TRAK2: variants seen among roughly 807,000 people sequenced by gnomAD.
TRAK2 encodes trafficking kinesin-binding protein 2.
In TRAK2, 81 loss-of-function variants were observed where a neutral mutation model predicts 104.6. The ratio of observed to expected loss-of-function variants is 0.77; its 90% CI spans 0.65 to 0.93. The LOEUF (loss-of-function observed/expected upper bound fraction) is 0.93, where lower values mean the gene tolerates loss of function less well. Among genes scored for constraint, TRAK2 ranks in the 40% least tolerant of loss-of-function variants. TRAK2 has a pLI of 0.00. For missense variants in TRAK2, 1,002 were observed against 1,089.0 expected (o/e 0.92, Z 1.12); for synonymous variants, 406 against 394.4 (o/e 1.03, Z -0.35).
Position 201,380,872 on chromosome 2 carries a change from G to C in TRAK2, c.2416C>G (p.Arg806Gly). 1 of 1,614,030 alleles carries C rather than the reference G, an allele frequency of 6.2e-7. No homozygotes were observed. The highest frequency in any genetic ancestry group is 8.5e-7 in the Non-Finnish European group (1 of 1,179,968). The part of the protein sequence containing the change: ...VHLSENFLAS[R>G]PAETFLQEMY... ...TCCTGGAGGAATGTCTCAGCTGGTC[G>C]AGAGGCCAAAAAATTTTCAGAGAGA... The change falls in exon 16 of 16, where the codon CGA (arginine) becomes GGA (glycine). Residue 806 changes from arginine (R) to glycine (G), a missense_variant. Coordinates refer to ENST00000332624, the MANE Select transcript of TRAK2 (RefSeq NM_015049.3).
chr2:201,431,784 C>A (rs1367163911), intron 1 of TRAK2, among the ~76,000 whole-genome samples: 1 of 152,202 alleles, frequency 6.6e-6, no homozygotes, highest in African/African-American at 2.4e-5. Flanking sequence ...GATTCTGGAA[C>A]TAGAGTGCCT....
chr2:201,395,509 C>A, intron 7 of TRAK2, 65 bp from the exon 8 acceptor site: 1 of 1,426,960 alleles, frequency 7.0e-7, no homozygotes. Flanking sequence ...CAAACTATGA[C>A]TTGTGAGCTA....
intron 2 of TRAK2, chr2:201,413,199 T>A (rs947922955): frequency 6.6e-6 from 10 of 1,508,572 alleles, no homozygotes; most frequent in African/African-American, 1.4e-5. Flanking sequence ...ACTGGCAATG[T>A]GCTGACCAAC....
intron 3 of TRAK2, 23 bp downstream of exon 3, chr2:201,407,380 A>G (rs1951603417): frequency 6.3e-7 from 1 of 1,596,888 alleles, no homozygotes; most frequent in Non-Finnish European, 8.5e-7. Context: ...TGCACAAACT[A>G]AAAGAGTAAA....
chr2:201,392,797 G>GA (rs1201867394), intron 10 of TRAK2, 112 bp downstream of exon 10: 16 of 1,101,452 alleles, frequency 1.5e-5, no homozygotes, highest in East Asian at 5.2e-5. Context: ...CAGAAACAAG[G>GA]AAAAAATCTC....
chr2:201,399,632 T>G, intron 4 of TRAK2, 139 bp from the exon 5 acceptor site: 1 of 620,334 alleles, frequency 1.6e-6, no homozygotes, highest in Non-Finnish European at 2.9e-6. Context: ...TTAAAATGAA[T>G]AAACACAGGG....
chr2:201,408,033 A>G (rs1188153728), intron 2 of TRAK2, among the ~76,000 whole-genome samples: 2 of 152,170 alleles, frequency 1.3e-5, no homozygotes, highest in Non-Finnish European at 1.5e-5. Flanking sequence ...AAAATATACA[A>G]CAAATTATTG....
At chr2:201,398,024 A>G in intron 6 of TRAK2, 121 bp downstream of exon 6, 1 of 926,834 alleles carries the variant, frequency 1.1e-6, no homozygotes, top group Non-Finnish European at 1.7e-6. Flanking sequence ...CTTGTCCACG[A>G]CTCTCTAATT....
intron 1 of TRAK2, among the ~76,000 whole-genome samples, chr2:201,429,282 G>A (rs1225276165): frequency 6.6e-6 from 1 of 152,090 alleles, no homozygotes; most frequent in Admixed American, 6.5e-5. Flanking sequence ...TTTCTCTCTG[G>A]CTGCCCTTAA....
At chr2:201,411,909 T>C in intron 2 of TRAK2, 1 of 1,038,100 alleles carries the variant, frequency 9.6e-7, no homozygotes, top group Non-Finnish European at 1.5e-6. Flanking sequence ...AAGGTTGGAA[T>C]GATGTTTAGA....
intron 2 of TRAK2, among the ~76,000 whole-genome samples, chr2:201,414,715 T>C (rs1231037628): frequency 2.6e-5 from 4 of 152,130 alleles, no homozygotes; most frequent in East Asian, 1.9e-4. Flanking sequence ...ACAAGTTCCA[T>C]GTGATTATCC....
Position 201,389,437 on chromosome 2 carries a change from T to A in TRAK2, c.1260A>T (p.Ser420=). 1 of 1,613,194 alleles carries A rather than the reference T, an allele frequency of 6.2e-7. No individual in the cohort carries two copies. Among genetic ancestry groups the A allele is most frequent in the Non-Finnish European group, 8.5e-7 (1 of 1,179,214 alleles). The change falls in exon 12 of 16, where the codon TCA becomes TCT. Residue 420 remains serine, a synonymous_variant. Transcript: ENST00000332624. ...IANDTRGRSI[S]FPALLPIPGS... is the part of the protein sequence containing the mutation. ...CTGGAATGGGTAACAGAGCTGGGAA[T>A]GAGATAGAGCGGCCCCGTGTGTCAT...
rs142826543 is a variant in TRAK2, at chr2:201,423,037, C to CCACACACACACA, written c.-199-2343_-199-2332dup. On this transcript the variant is annotated intron_variant, in intron 1 of 15. Transcript: ENST00000332624. ...TGGAATAACAACAGCAACACCACCA[C>CCACACACACACA]CACACACACACACACACACACACAC... Among the ~76,000 whole-genome samples, 428 of 134,218 alleles carry CCACACACACACA rather than the reference C, an allele frequency of 3.2e-3. 7 individuals are homozygous for CCACACACACACA. The highest frequency in any genetic ancestry group is 7.0e-3 in the Admixed American group (96 of 13,638). The allele number at this position is 134,218 out of a possible 152,430, so 88.1% of individuals were successfully genotyped here. A position where few individuals can be genotyped will look rare whatever the true frequency, so the allele number is the denominator to read the frequency against.
chr2:201,443,752 C>T (rs1220839840), intron 1 of TRAK2, among the ~76,000 whole-genome samples: 1 of 152,184 alleles, frequency 6.6e-6, no homozygotes, highest in African/African-American at 2.4e-5. Context: ...TCCATCCTCT[C>T]TTCCACCATC....
intron 1 of TRAK2, among the ~76,000 whole-genome samples, chr2:201,450,979 T>A (rs1952027905): frequency 6.6e-6 from 1 of 152,128 alleles, no homozygotes; most frequent in Non-Finnish European, 1.5e-5. Flanking sequence ...TCCTCCCACT[T>A]ACATCACAGA....
Position 201,377,672 on chromosome 2 carries a change from T to C in TRAK2, c.*2871A>G, listed in dbSNP as rs1951301065. On this transcript the variant is annotated 3_prime_UTR_variant, in exon 16 of 16. Transcript: ENST00000332624. ...ATTCATTTATGTCAAATCAAGAACA[T>C]ACAGCACAACATTTTCTAAAAAAGC... The C allele has an allele frequency of 6.6e-6, 1 of 152,572 alleles. No homozygotes were observed. Among genetic ancestry groups the C allele is most frequent in the African/African-American group, 2.4e-5 (1 of 41,446 alleles). 9.5% of individuals were successfully genotyped at this position (152,572 alleles called of 1,614,324 possible). A position where few individuals can be genotyped will look rare whatever the true frequency, so the allele number is the denominator to read the frequency against.
chr2:201,384,510 G>A (rs1208571327), intron 14 of TRAK2, among the ~76,000 whole-genome samples: 2 of 152,068 alleles, frequency 1.3e-5, no homozygotes, highest in Middle Eastern at 3.4e-3. Context: ...AAATGATTCA[G>A]CCAAATTTAT....
At position 201,380,897 on chromosome 2, in the gene TRAK2, A is replaced by G; in HGVS notation, c.2391T>C (p.His797=). The G allele has an allele frequency of 6.2e-7, 1 of 1,614,066 alleles. No homozygotes were observed. The highest frequency in any genetic ancestry group is 8.5e-7 in the Non-Finnish European group (1 of 1,179,998). Reference sequence around the variant, plus strand: ...GAGAGGCCAAAAAATTTTCAGAGAGATGCACTCGAGGCTCAAAGGGTAAAG... The same window carrying G: ...GAGAGGCCAAAAAATTTTCAGAGAGGTGCACTCGAGGCTCAAAGGGTAAAG... The part of the protein sequence containing the change: ...PSPLPFEPRV[H]LSENFLASRP... The change falls in exon 16 of 16, where the codon CAT becomes CAC. Residue 797 remains histidine (H), a synonymous_variant. Coordinates refer to ENST00000332624, the MANE Select transcript of TRAK2 (RefSeq NM_015049.3).
intron 1 of TRAK2, among the ~76,000 whole-genome samples, chr2:201,424,642 G>A (rs918192971): frequency 3.3e-5 from 5 of 150,524 alleles, no homozygotes; most frequent in Admixed American, 6.6e-5. Flanking sequence ...TCACTCTTTC[G>A]CCCAGGCCGG....
Sources: gnomAD v4.1 joint callset for allele counts (sites outside exome capture counted in the v4.1 genomes callset) on GRCh38, gnomAD v4.1.1 for gene constraint, MANE v1.5 for transcripts, NCBI Gene and HGNC (gene_info 2026-07-23, HGNC 2026-07-21) for gene names.